The following SETBP1 variants were observed in gnomAD, a reference collection of about 807,000 sequenced individuals.
The protein encoded by SETBP1 is SET-binding protein.
SETBP1 carries 9 observed loss-of-function variants against 101.0 expected under a neutral mutation model. That is an observed-to-expected ratio of 0.09 (90% CI 0.05 to 0.16). The LOEUF is 0.16. Ranked by LOEUF, SETBP1 falls within the 10% of genes least tolerant of loss-of-function variation. SETBP1 has a pLI of 1.00. For missense variants in SETBP1, 1,858 were observed against 2,033.8 expected (o/e 0.91, Z 1.66); for synonymous variants, 818 against 788.5 (o/e 1.04, Z -0.63).
At chr18:44,911,854 G>A (rs2070317004) in intron 3 of SETBP1, among the ~76,000 whole-genome samples, 1 of 152,210 alleles carries the variant, frequency 6.6e-6, no homozygotes, top group Non-Finnish European at 1.5e-5. Flanking sequence ...AGGCACAGAT[G>A]TGTAAGCCTT....
chr18:45,016,031 A>G (rs11874040), intron 4 of SETBP1, among the ~76,000 whole-genome samples: 43,989 of 152,066 alleles, frequency 0.29, 6,645 homozygotes, highest in East Asian at 0.52. Context: ...CTTCCTAAAC[A>G]GACAATCCAC....
intron 2 of SETBP1, among the ~76,000 whole-genome samples, chr18:44,720,432 A>G: frequency 6.6e-6 from 1 of 152,218 alleles, no homozygotes. Flanking sequence ...ATATTTGAGA[A>G]AAAAAGTAGA....
intron 3 of SETBP1, among the ~76,000 whole-genome samples, chr18:44,920,298 A>T (rs1269066181): frequency 6.6e-6 from 1 of 152,140 alleles, no homozygotes; most frequent in African/African-American, 2.4e-5. Flanking sequence ...TCTAGATACT[A>T]TTGCATTGGG....
At chr18:44,999,274 A>G (rs1203759011) in intron 4 of SETBP1, among the ~76,000 whole-genome samples, 1 of 152,128 alleles carries the variant, frequency 6.6e-6, no homozygotes, top group African/African-American at 2.4e-5. Context: ...TTTCAGCCCT[A>G]TAGTGGCTGA....
intron 2 of SETBP1, among the ~76,000 whole-genome samples, chr18:44,784,863 C>T (rs1486974425): frequency 6.6e-6 from 1 of 152,168 alleles, no homozygotes; most frequent in East Asian, 1.9e-4. Context: ...TGATATGATG[C>T]TGCCAAAATG....
At chr18:44,933,639 C>T (rs1189180089) in intron 3 of SETBP1, among the ~76,000 whole-genome samples, 4 of 152,200 alleles carry the variant, frequency 2.6e-5, no homozygotes. Flanking sequence ...CCTACTCAAG[C>T]CTCAGCAATG....
intron 5 of SETBP1, among the ~76,000 whole-genome samples, chr18:45,045,412 CAGAGCA>C (rs2145526058): frequency 6.6e-6 from 1 of 152,286 alleles, no homozygotes; most frequent in South Asian, 2.1e-4. Context: ...GCCTGGGTGA[CAGAGCA>C]AGCTCCATCC....
At chr18:44,979,855 G>T (rs1028007406) in intron 4 of SETBP1, among the ~76,000 whole-genome samples, 2 of 152,184 alleles carry the variant, frequency 1.3e-5, no homozygotes, top group Non-Finnish European at 2.9e-5. Context: ...GACTGTCTTG[G>T]TTCTTCATTC....
chr18:44,877,159 G>A (rs546134181), intron 3 of SETBP1: 25 of 978,128 alleles, frequency 2.6e-5, no homozygotes, highest in Non-Finnish European at 3.0e-5. Flanking sequence ...GCCACAGCTG[G>A]CCTGTCAAGT....
rs777904911 is a variant in SETBP1 at position 44,953,029 on chromosome 18, C to T, written c.3689C>T (p.Thr1230Ile). The change falls in exon 4 of 6, where the codon ACC (threonine) becomes ATC (isoleucine). Residue 1230 changes from threonine to isoleucine, a missense_variant. Transcript: ENST00000649279. ...KASKNNFEVD[T>I]LSTLSLSDAQ... is the part of the protein sequence containing the mutation. ...TCTAAGAACAACTTTGAGGTGGACACCCTGTCTACACTGTCACTTTCCGAC... is the reference window on the plus strand; with the variant it reads ...TCTAAGAACAACTTTGAGGTGGACATCCTGTCTACACTGTCACTTTCCGAC... The T allele has an allele frequency of 1.2e-6, 2 of 1,614,186 alleles. No individual in the cohort carries two copies. Among genetic ancestry groups the T allele is most frequent in the Non-Finnish European group, 1.7e-6 (2 of 1,180,042 alleles).
chr18:44,713,482 C>T (rs2069391225), intron 2 of SETBP1, among the ~76,000 whole-genome samples: 1 of 152,150 alleles, frequency 6.6e-6, no homozygotes, highest in Non-Finnish European at 1.5e-5. Flanking sequence ...TGCCAAACCA[C>T]CCTGGTTCCT....
intron 2 of SETBP1, among the ~76,000 whole-genome samples, chr18:44,736,995 G>A (rs1410790774): frequency 1.3e-5 from 2 of 152,126 alleles, no homozygotes; most frequent in African/African-American, 4.8e-5. Context: ...TATATCTCCA[G>A]TGTTGAACAC....
intron 3 of SETBP1, among the ~76,000 whole-genome samples, chr18:44,930,295 C>T (rs1421493822): frequency 1.3e-5 from 2 of 152,296 alleles, no homozygotes; most frequent in African/African-American, 4.8e-5. Flanking sequence ...CCAACTTGAT[C>T]GTGGTGGATA....
At chr18:44,733,078 A>G (rs990966640) in intron 2 of SETBP1, 3 of 152,230 alleles carry the variant, frequency 2.0e-5, no homozygotes, top group Admixed American at 1.3e-4. Context: ...TTCTAGCTCC[A>G]GACCTAGATG....
In SETBP1 at chr18:44,913,969, A is replaced by AAAT. The variant is rs376139751; in HGVS notation, c.541-35896_541-35894dup. Among the ~76,000 whole-genome samples, 7 of 151,916 alleles carry AAAT rather than the reference A, an allele frequency of 4.6e-5. No homozygotes were observed. In the East Asian group the frequency reaches 9.6e-4, roughly 21 times the overall value. On this transcript the variant is annotated intron_variant, in intron 3 of 5. Coordinates refer to ENST00000649279, the MANE Select transcript of SETBP1 (RefSeq NM_015559.3). ...AACATGACTGCCATTCTGGTGAGCC[A>AAAT]AATAATAATAATAATAATGCAGGAC...
intron 2 of SETBP1, among the ~76,000 whole-genome samples, chr18:44,758,204 A>G (rs1405283679): frequency 2.0e-5 from 3 of 152,224 alleles, no homozygotes; most frequent in African/African-American, 4.8e-5. Context: ...CCCAGAGCTC[A>G]TAGACTGAGA....
intron 2 of SETBP1, among the ~76,000 whole-genome samples, chr18:44,813,379 G>A (rs1381539892): frequency 1.3e-5 from 2 of 152,158 alleles, no homozygotes; most frequent in African/African-American, 4.8e-5. Context: ...CTTCATGATG[G>A]GGAGACAAGT....
At chr18:45,041,523 G>A (rs1046653716) in intron 5 of SETBP1, among the ~76,000 whole-genome samples, 3 of 152,060 alleles carry the variant, frequency 2.0e-5, no homozygotes, top group Non-Finnish European at 4.4e-5. Flanking sequence ...CCTACAGAAT[G>A]GTTTTGGAAA....
At chr18:44,684,569 C>G (rs1266100292) in intron 1 of SETBP1, among the ~76,000 whole-genome samples, 1 of 148,576 alleles carries the variant, frequency 6.7e-6, no homozygotes, top group African/African-American at 2.5e-5. Flanking sequence ...CAGTCCAGAA[C>G]AGCTGTTTTT....
Sources: gnomAD v4.1 joint callset for allele counts (sites outside exome capture counted in the v4.1 genomes callset) on GRCh38, gnomAD v4.1.1 for gene constraint, MANE v1.5 for transcripts, NCBI Gene and HGNC (gene_info 2026-07-23, HGNC 2026-07-21) for gene names.